EDEM3: variants seen among roughly 807,000 people sequenced by gnomAD.
The protein encoded by EDEM3 is ER degradation enhancing alpha-mannosidase like protein 3.
Under a neutral mutation model 110.2 loss-of-function variants are expected in EDEM3, and 60 were observed. That is an observed-to-expected ratio of 0.54 (90% CI 0.44 to 0.67). EDEM3 has a LOEUF of 0.67. Ranked by LOEUF, EDEM3 falls within the 30% of genes least tolerant of loss-of-function variation. EDEM3 has a pLI of 0.00. For synonymous variants in EDEM3, 352 were observed against 382.9 expected, an observed-to-expected ratio of 0.92 and a Z score of 0.94; for missense variants, 996 against 1,121.0, an observed-to-expected ratio of 0.89 and a Z score of 1.59.
intron 7 of EDEM3, among the ~76,000 whole-genome samples, chr1:184,725,537 A>G (rs1651144767): frequency 6.6e-6 from 1 of 152,032 alleles, no homozygotes; most frequent in South Asian, 2.1e-4. Context: ...AGGCATACAT[A>G]CATACAAAGT....
rs1331055121 is a variant in EDEM3 at position 184,702,959 on chromosome 1, C to T, written c.2241G>A (p.Leu747=). The change falls in exon 19 of 20, where the codon CTG becomes CTA. Residue 747 remains leucine (L), a synonymous_variant. Coordinates refer to ENST00000318130, the MANE Select transcript of EDEM3 (RefSeq NM_025191.4). Reference sequence around the variant, plus strand: ...CCTTTCCATCACCTGCCATCTGGAACAGAGGGGCAGTATCACTGCTGCTCC... The same window carrying T: ...CCTTTCCATCACCTGCCATCTGGAATAGAGGGGCAGTATCACTGCTGCTCC... ...NEGSSSDTAP[L]FQMAGDGKDT... 5 of 1,612,234 alleles carry T rather than the reference C, an allele frequency of 3.1e-6. No homozygotes were observed. Among genetic ancestry groups the T allele is most frequent in the Non-Finnish European group, 4.2e-6 (5 of 1,179,302 alleles).
intron 19 of EDEM3, among the ~76,000 whole-genome samples, chr1:184,698,928 T>C (rs1254375064): frequency 6.6e-6 from 1 of 151,700 alleles, no homozygotes; most frequent in Non-Finnish European, 1.5e-5. Context: ...GTTAGAGAAC[T>C]ACAAAAAGAT....
intron 18 of EDEM3, among the ~76,000 whole-genome samples, chr1:184,704,376 T>C: frequency 6.6e-6 from 1 of 151,984 alleles, no homozygotes; most frequent in Non-Finnish European, 1.5e-5. Flanking sequence ...AATTTTTGGC[T>C]GGGTGCGGTG....
chr1:184,736,070 A>T (rs1651805147), intron 4 of EDEM3, among the ~76,000 whole-genome samples: 1 of 152,198 alleles, frequency 6.6e-6, no homozygotes. Context: ...CTGACTAGCT[A>T]AAAAGATCTA....
chr1:184,703,807 T>C (rs1443848942), intron 18 of EDEM3, among the ~76,000 whole-genome samples: 4 of 152,178 alleles, frequency 2.6e-5, no homozygotes, highest in Non-Finnish European at 5.9e-5. Context: ...TGAGTCTCTC[T>C]GGGGGACCTG....
intron 13 of EDEM3, among the ~76,000 whole-genome samples, chr1:184,715,300 C>T (rs1013679466): frequency 2.0e-5 from 3 of 152,170 alleles, no homozygotes; most frequent in African/African-American, 7.2e-5. Context: ...AAGGATGTTA[C>T]ACTTTGAAAA....
chr1:184,744,134 A>G (rs1224642827), intron 2 of EDEM3, among the ~76,000 whole-genome samples: 1 of 151,160 alleles, frequency 6.6e-6, no homozygotes, highest in Non-Finnish European at 1.5e-5. Flanking sequence ...TGTTAAGAAA[A>G]TTAGAATGTA....
Position 184,723,865 on chromosome 1 carries a change from T to TAAAAAAAA in EDEM3, c.748-17_748-10dup, listed in dbSNP as rs71101940. 7 of 1,091,030 alleles carry TAAAAAAAA rather than the reference T, an allele frequency of 6.4e-6. No homozygotes were observed. Among genetic ancestry groups the TAAAAAAAA allele is most frequent in the Admixed American group, 3.5e-5 (1 of 28,406 alleles). The allele number at this position is 1,091,030 out of a possible 1,614,324, so 67.6% of individuals were successfully genotyped here. ...GCTTTTCTGGCATATTCCTGTAATTTAAAAAAAAAAAAAAAAAAAAGAAGT... is the reference window on the plus strand; with the variant it reads ...GCTTTTCTGGCATATTCCTGTAATTTAAAAAAAAAAAAAAAAAAAAAAAAAAAAGAAGT... On this transcript the variant is annotated splice_polypyrimidine_tract_variant and intron_variant, in intron 7 of 19. Transcript: ENST00000318130.
chr1:184,713,433 A>AGAAATTT (rs1650370720), intron 13 of EDEM3, among the ~76,000 whole-genome samples: 1 of 152,254 alleles, frequency 6.6e-6, no homozygotes, highest in Non-Finnish European at 1.5e-5. Context: ...TAATGTTTTA[A>AGAAATTT]CAATTTAAGA....
intron 2 of EDEM3, among the ~76,000 whole-genome samples, chr1:184,741,026 T>A (rs1652106840): frequency 6.6e-6 from 1 of 152,228 alleles, no homozygotes; most frequent in African/African-American, 2.4e-5. Flanking sequence ...GCCTCCTCTG[T>A]AACTGAAGTT....
intron 19 of EDEM3, among the ~76,000 whole-genome samples, chr1:184,697,141 T>C (rs1230994590): frequency 6.6e-6 from 1 of 151,812 alleles, no homozygotes; most frequent in Non-Finnish European, 1.5e-5. Context: ...CTTTTCATAA[T>C]AAAAAGCTAC....
rs1651611338 is a variant in EDEM3 at position 184,732,983 on chromosome 1, A to G, written c.466T>C (p.Leu156=). 4 of 1,613,586 alleles carry G rather than the reference A, an allele frequency of 2.5e-6. No homozygotes were observed. The East Asian group carries it at 8.9e-5, about 36-fold the overall frequency. Residue 156 remains leucine (L), a synonymous_variant, in exon 6 of 20, where the codon TTG becomes CTG. Coordinates refer to ENST00000318130, the MANE Select transcript of EDEM3 (RefSeq NM_025191.4). ...ETNIRVLGGL[L]GGHSLAIMLK... ...ATGATTGCCAGGGAGTGCCCACCCA[A>G]AAGACCCCTAGGATCACAGAGATGA...
At chr1:184,748,096 A>C (rs1652534121) in intron 2 of EDEM3, among the ~76,000 whole-genome samples, 1 of 152,210 alleles carries the variant, frequency 6.6e-6, no homozygotes, top group African/African-American at 2.4e-5. Flanking sequence ...TGAATTAACC[A>C]GGGATAAATG....
At chr1:184,710,612 TC>T in intron 15 of EDEM3, 65 bp from the exon 16 acceptor site, 1 of 1,497,950 alleles carries the variant, frequency 6.7e-7, no homozygotes. Flanking sequence ...AAAACACATG[TC>T]AAATAAAAAT....
chr1:184,747,020 C>CAAAA, intron 2 of EDEM3, among the ~76,000 whole-genome samples: 1 of 132,962 alleles, frequency 7.5e-6, no homozygotes, highest in Non-Finnish European at 1.7e-5. Flanking sequence ...TGATCAAATG[C>CAAAA]AAAAAAAAAA....
intron 16 of EDEM3, among the ~76,000 whole-genome samples, chr1:184,709,027 C>T (rs535935986): frequency 3.9e-5 from 6 of 152,028 alleles, no homozygotes; most frequent in Non-Finnish European, 5.9e-5. Flanking sequence ...ACAGGAAAAA[C>T]CAACAAGACA....
chr1:184,706,725 T>C lies in EDEM3; in HGVS notation c.2121A>G (p.Ala707=). Reference sequence around the variant, plus strand: ...ACATGCACTGTCCTCTTTGTATCAGTGCGATTTTTCCCATCACTGCCTCTG... The same window carrying C: ...ACATGCACTGTCCTCTTTGTATCAGCGCGATTTTTCCCATCACTGCCTCTG... The part of the protein sequence containing the change: ...TNPEAVMGKI[A]LIQRGQCMFA... The change falls in exon 18 of 20, where the codon GCA becomes GCG. Residue 707 remains alanine, a synonymous_variant. Transcript: ENST00000318130. 1 of 1,614,034 alleles carries C rather than the reference T, an allele frequency of 6.2e-7. No homozygotes were observed. The highest frequency in any genetic ancestry group is 8.5e-7 in the Non-Finnish European group (1 of 1,179,928).
intron 16 of EDEM3, among the ~76,000 whole-genome samples, chr1:184,708,894 A>T (rs1466817783): frequency 6.6e-6 from 1 of 152,230 alleles, no homozygotes; most frequent in Non-Finnish European, 1.5e-5. Flanking sequence ...CAGATGAGGG[A>T]ACAATTGATT....
chr1:184,743,995 A>C (rs190868242), intron 2 of EDEM3, among the ~76,000 whole-genome samples: 82 of 151,782 alleles, frequency 5.4e-4, no homozygotes, highest in African/African-American at 1.9e-3. Context: ...GGAAAAAAAA[A>C]CAAGAAAAAA....
Sources: allele counts gnomAD v4.1 joint callset (sites outside exome capture counted in the v4.1 genomes callset), GRCh38; gene constraint gnomAD v4.1.1; transcripts MANE v1.5; gene names NCBI Gene and HGNC (gene_info 2026-07-23, HGNC 2026-07-21).